FAM107B: variants seen among roughly 807,000 people sequenced by gnomAD.
The protein encoded by FAM107B is protein FAM107B.
A neutral mutation model predicts 31.5 loss-of-function variants in FAM107B; 21 were observed. The observed-to-expected ratio is 0.67, with a 90% CI of 0.47 to 0.96. The LOEUF is 0.96. Among genes scored for constraint, FAM107B ranks in the 40% least tolerant of loss-of-function variants. The pLI, the probability that FAM107B is intolerant of heterozygous loss-of-function variation, is 0.00. For synonymous variants in FAM107B, 157 were observed against 141.5 expected, an observed-to-expected ratio of 1.11 and a Z score of -0.78; for missense variants, 452 against 377.1, an observed-to-expected ratio of 1.20 and a Z score of -1.64.
At chr10:14,611,024 G>A (rs546139225) in intron 2 of FAM107B, among the ~76,000 whole-genome samples, 4 of 152,204 alleles carry the variant, frequency 2.6e-5, no homozygotes, top group South Asian at 4.2e-4. Flanking sequence ...ACTGCACATC[G>A]CGAAGAATCG....
intron 1 of FAM107B, among the ~76,000 whole-genome samples, chr10:14,749,299 T>A (rs2400090): frequency 9.2e-5 from 14 of 152,086 alleles, no homozygotes; most frequent in African/African-American, 3.1e-4. Context: ...CAGGGCCTGA[T>A]TGAGACTCTG....
intron 2 of FAM107B, among the ~76,000 whole-genome samples, chr10:14,646,736 G>A (rs1853764084): frequency 6.7e-6 from 1 of 150,086 alleles, no homozygotes; most frequent in Admixed American, 6.6e-5. Context: ...TTCCTTGAGA[G>A]CTCGCCATAC....
At chr10:14,733,051 A>T (rs1358843242) in intron 1 of FAM107B, among the ~76,000 whole-genome samples, 5 of 147,412 alleles carry the variant, frequency 3.4e-5, no homozygotes, top group Non-Finnish European at 6.0e-5. Flanking sequence ...ATATATAATT[A>T]TATCTAATAA....
chr10:14,677,737 G>C (rs1422830654), intron 1 of FAM107B, among the ~76,000 whole-genome samples: 1 of 152,312 alleles, frequency 6.6e-6, no homozygotes, highest in East Asian at 1.9e-4. Context: ...TCAGGACTGA[G>C]GGGTTCCCCA....
intron 2 of FAM107B, among the ~76,000 whole-genome samples, chr10:14,598,844 C>T (rs1022798254): frequency 6.6e-6 from 1 of 152,176 alleles, no homozygotes; most frequent in African/African-American, 2.4e-5. Flanking sequence ...ATAACCCAGG[C>T]GACCTCACAG....
intron 1 of FAM107B, among the ~76,000 whole-genome samples, chr10:14,759,469 T>A (rs1189179096): frequency 1.3e-5 from 2 of 152,188 alleles, no homozygotes; most frequent in Non-Finnish European, 2.9e-5. Flanking sequence ...ACTTGGTGCT[T>A]ACCTCAGTTG....
chr10:14,598,423 G>A (rs1283830200), intron 2 of FAM107B, among the ~76,000 whole-genome samples: 1 of 152,198 alleles, frequency 6.6e-6, no homozygotes, highest in African/African-American at 2.4e-5. Flanking sequence ...CATGAACCTG[G>A]AGGACCAAGT....
At chr10:14,562,516 TAA>T (rs1200035519) in intron 2 of FAM107B, among the ~76,000 whole-genome samples, 1 of 152,154 alleles carries the variant, frequency 6.6e-6, no homozygotes, top group African/African-American at 2.4e-5. Context: ...AACTATATCA[TAA>T]GAAATGTAAA....
intron 2 of FAM107B, among the ~76,000 whole-genome samples, chr10:14,639,223 C>T (rs1448822925): frequency 6.6e-6 from 1 of 152,064 alleles, no homozygotes; most frequent in Non-Finnish European, 1.5e-5. Flanking sequence ...ATTGTACCTA[C>T]CTTTAAATAT....
chr10:14,556,863 C>A (rs886090816), intron 2 of FAM107B, among the ~76,000 whole-genome samples: 5 of 152,258 alleles, frequency 3.3e-5, no homozygotes, highest in Non-Finnish European at 4.4e-5. Context: ...GGCCCTCACT[C>A]CCCACCTGAT....
intron 2 of FAM107B, among the ~76,000 whole-genome samples, chr10:14,656,131 G>T (rs1854047276): frequency 6.6e-6 from 1 of 152,262 alleles, no homozygotes; most frequent in African/African-American, 2.4e-5. Context: ...GTCCTTTAAT[G>T]TCTTTTCAAC....
intron 2 of FAM107B, among the ~76,000 whole-genome samples, chr10:14,660,092 G>C (rs1312349627): frequency 1.3e-5 from 2 of 152,016 alleles, no homozygotes; most frequent in African/African-American, 2.4e-5. Context: ...GCAAAAAGAG[G>C]GTGTTCTGAT....
rs769734163 is a variant in FAM107B, at chr10:14,524,583, C to T, written c.654-2564G>A. Among the ~76,000 whole-genome samples the T allele has an allele frequency of 2.0e-5, 3 of 152,092 alleles. No individual in the cohort carries two copies. In the East Asian group the frequency reaches 5.8e-4, roughly 29 times the overall value. ...TCTTTAATCAGCACAATATAAGTTG[C>T]TTAAGAGTACTCTGTTCAAAATAAA... is the stretch of plus-strand genomic sequence containing the variant. On this transcript the variant is annotated intron_variant, in intron 3 of 4. Coordinates refer to ENST00000181796, the MANE Select transcript of FAM107B (RefSeq NM_031453.4).
chr10:14,658,276 C>A (rs78155027), intron 2 of FAM107B, among the ~76,000 whole-genome samples: 16,077 of 152,264 alleles, frequency 0.11, 1,074 homozygotes, highest in East Asian at 0.18. Flanking sequence ...TCATCTACAA[C>A]CCCCAGGAGC....
chr10:14,657,190 C>A (rs572056312), intron 2 of FAM107B, among the ~76,000 whole-genome samples: 23 of 152,278 alleles, frequency 1.5e-4, no homozygotes, highest in African/African-American at 5.5e-4. Context: ...ACAGAAAAAT[C>A]TGGAAGCAAT....
chr10:14,772,631 C>T (rs1833332593), intron 1 of FAM107B, among the ~76,000 whole-genome samples: 1 of 152,100 alleles, frequency 6.6e-6, no homozygotes, highest in South Asian at 2.1e-4. Flanking sequence ...CCTCATGGAG[C>T]CCCTCCCACT....
intron 2 of FAM107B, among the ~76,000 whole-genome samples, chr10:14,644,143 T>C (rs1161415242): frequency 6.6e-6 from 1 of 152,220 alleles, no homozygotes; most frequent in East Asian, 1.9e-4. Context: ...AGTAAGATAG[T>C]AGAATCGTGG....
At chr10:14,726,807 C>A (rs945714041) in intron 1 of FAM107B, among the ~76,000 whole-genome samples, 2 of 152,108 alleles carry the variant, frequency 1.3e-5, no homozygotes, top group East Asian at 1.9e-4. Context: ...TCATGGAAGA[C>A]AATTTTTCCA....
intron 2 of FAM107B, among the ~76,000 whole-genome samples, chr10:14,537,338 G>A (rs73599382): frequency 0.01 from 1,590 of 152,288 alleles, 27 homozygotes; most frequent in African/African-American, 0.036. Context: ...GTCCTCATAC[G>A]GCCCATGAGG....
Sources: allele counts gnomAD v4.1 joint callset (sites outside exome capture counted in the v4.1 genomes callset), GRCh38; gene constraint gnomAD v4.1.1; transcripts MANE v1.5; gene names NCBI Gene and HGNC (gene_info 2026-07-23, HGNC 2026-07-21).